CTNND2: variants seen among roughly 807,000 people sequenced by gnomAD.
The protein encoded by CTNND2 is catenin delta-2.
CTNND2 carries 22 observed loss-of-function variants against 144.4 expected under a neutral mutation model. The observed-to-expected ratio is 0.15, with a 90% CI of 0.11 to 0.22. CTNND2 has a LOEUF of 0.22. CTNND2 is among the 10% of genes least tolerant of loss of function. The pLI, the probability that CTNND2 is intolerant of heterozygous loss-of-function variation, is 1.00. For missense variants in CTNND2, 1,353 were observed against 1,618.8 expected (o/e 0.84, Z 2.82); for synonymous variants, 751 against 695.6 (o/e 1.08, Z -1.25).
At chr5:11,303,058 A>G (rs1055344793) in intron 9 of CTNND2, among the ~76,000 whole-genome samples, 21 of 152,142 alleles carry the variant, frequency 1.4e-4, no homozygotes, top group Admixed American at 1.3e-4. Flanking sequence ...ATGTAATGTA[A>G]TGTTCCAAGT....
At chr5:11,782,909 G>A (rs1011341512) in intron 1 of CTNND2, among the ~76,000 whole-genome samples, 3 of 152,158 alleles carry the variant, frequency 2.0e-5, no homozygotes, top group Non-Finnish European at 4.4e-5. Context: ...CCAAGTAAGA[G>A]ACTCAGAAAG....
intron 1 of CTNND2, among the ~76,000 whole-genome samples, chr5:11,768,742 C>T (rs1789745227): frequency 6.6e-6 from 1 of 152,190 alleles, no homozygotes; most frequent in Admixed American, 6.5e-5. Context: ...TTTGTGAGGA[C>T]AAACCACTGC....
At chr5:11,623,475 G>T (rs1264592984) in intron 2 of CTNND2, among the ~76,000 whole-genome samples, 1 of 151,740 alleles carries the variant, frequency 6.6e-6, no homozygotes, top group African/African-American at 2.4e-5. Flanking sequence ...TGTCATGATT[G>T]TGAGACTCCC....
intron 9 of CTNND2, among the ~76,000 whole-genome samples, chr5:11,280,392 G>A (rs568183120): frequency 4.0e-4 from 61 of 152,266 alleles, no homozygotes; most frequent in African/African-American, 1.4e-3. Flanking sequence ...TCATAGTTCC[G>A]GAGGGTGGTT....
chr5:11,205,072 T>C (rs1176955254), intron 10 of CTNND2, among the ~76,000 whole-genome samples: 1 of 152,228 alleles, frequency 6.6e-6, no homozygotes, highest in Non-Finnish European at 1.5e-5. Context: ...TTCATTTTAA[T>C]AAAATGGATA....
chr5:11,330,465 C>CAG (rs1427811085), intron 9 of CTNND2, among the ~76,000 whole-genome samples: 1 of 106,642 alleles, frequency 9.4e-6, no homozygotes, highest in South Asian at 3.4e-4. Context: ...GCCTGGGTGA[C>CAG]AGAGAGAGAC....
intron 9 of CTNND2, among the ~76,000 whole-genome samples, chr5:11,255,464 G>T (rs998493851): frequency 6.6e-6 from 1 of 152,152 alleles, no homozygotes; most frequent in Non-Finnish European, 1.5e-5. Flanking sequence ...TTAACAGCTA[G>T]GGAGGTTTCA....
intron 2 of CTNND2, among the ~76,000 whole-genome samples, chr5:11,702,655 T>C (rs1046940194): frequency 1.3e-5 from 2 of 152,190 alleles, no homozygotes; most frequent in Non-Finnish European, 2.9e-5. Context: ...CACCGGATCC[T>C]AGGGTGGAAA....
intron 11 of CTNND2, among the ~76,000 whole-genome samples, chr5:11,197,758 C>T (rs543700018): frequency 6.6e-6 from 1 of 152,310 alleles, no homozygotes; most frequent in African/African-American, 2.4e-5. Context: ...CAGAAGATGT[C>T]ATGTGTCAGG....
chr5:11,411,200 A>G (rs1440924881), intron 5 of CTNND2, among the ~76,000 whole-genome samples: 1 of 152,078 alleles, frequency 6.6e-6, no homozygotes, highest in Non-Finnish European at 1.5e-5. Flanking sequence ...TAAGGCAGAC[A>G]TTGTGTTGAC....
chr5:11,448,977 A>G (rs965619429), intron 3 of CTNND2, among the ~76,000 whole-genome samples: 4 of 151,220 alleles, frequency 2.6e-5, no homozygotes, highest in African/African-American at 7.3e-5. Context: ...TGCTGGGATT[A>G]TAGGTGTGAG....
At chr5:11,842,699 A>G (rs560576471) in intron 1 of CTNND2, among the ~76,000 whole-genome samples, 1 of 151,078 alleles carries the variant, frequency 6.6e-6, no homozygotes, top group African/African-American at 2.5e-5. Context: ...AGCCTGGGTG[A>G]CAGAGACAGA....
chr5:11,524,628 A>C (rs140643952), intron 3 of CTNND2, among the ~76,000 whole-genome samples: 7 of 152,312 alleles, frequency 4.6e-5, no homozygotes, highest in African/African-American at 9.6e-5. Flanking sequence ...GAAGGAGATA[A>C]GCTTCTGTCT....
intron 3 of CTNND2, among the ~76,000 whole-genome samples, chr5:11,518,821 G>A (rs2150036360): frequency 6.6e-6 from 1 of 152,262 alleles, no homozygotes; most frequent in East Asian, 1.9e-4. Flanking sequence ...CACTAGGTCT[G>A]TGTAGGTACA....
chr5:11,681,289 C>T (rs1784411620), intron 2 of CTNND2, among the ~76,000 whole-genome samples: 2 of 152,222 alleles, frequency 1.3e-5, no homozygotes. Context: ...TAAATGAGAA[C>T]TGAACCGTGT....
At chr5:11,695,797 C>T (rs1261391005) in intron 2 of CTNND2, among the ~76,000 whole-genome samples, 1 of 152,054 alleles carries the variant, frequency 6.6e-6, no homozygotes, top group African/African-American at 2.4e-5. Flanking sequence ...ATTTTTATCA[C>T]ACTATAAACA....
chr5:11,555,980 T>C (rs1581487284), intron 3 of CTNND2, among the ~76,000 whole-genome samples: 1 of 152,194 alleles, frequency 6.6e-6, no homozygotes, highest in Non-Finnish European at 1.5e-5. Flanking sequence ...ACTACTGCAA[T>C]GTTAATTCTG....
At chr5:11,704,171 A>G (rs561217298) in intron 2 of CTNND2, among the ~76,000 whole-genome samples, 1 of 152,372 alleles carries the variant, frequency 6.6e-6, no homozygotes, top group East Asian at 1.9e-4. Flanking sequence ...AGAAGCCTCA[A>G]TAGTGCTCAT....
intron 1 of CTNND2, among the ~76,000 whole-genome samples, chr5:11,792,381 T>C (rs758815169): frequency 6.6e-6 from 1 of 152,192 alleles, no homozygotes; most frequent in Admixed American, 6.5e-5. Flanking sequence ...TAGCATAAAT[T>C]TGTAACTAGC....
Sources: gnomAD v4.1 joint callset for allele counts (sites outside exome capture counted in the v4.1 genomes callset) on GRCh38, gnomAD v4.1.1 for gene constraint, MANE v1.5 for transcripts, NCBI Gene and HGNC (gene_info 2026-07-23, HGNC 2026-07-21) for gene names.